DHX8: variants seen among roughly 807,000 people sequenced by gnomAD.
The protein encoded by DHX8 is ATP-dependent RNA helicase DHX8.
In DHX8, 67 loss-of-function variants were observed where a neutral mutation model predicts 140.7. That is an observed-to-expected ratio of 0.48 (90% CI 0.39 to 0.58). DHX8 has a LOEUF of 0.58. Ranked by LOEUF, DHX8 falls within the 20% of genes least tolerant of loss-of-function variation. The pLI, the probability that DHX8 is intolerant of heterozygous loss-of-function variation, is 0.00. For missense variants in DHX8, 887 were observed against 1,550.7 expected, an observed-to-expected ratio of 0.57 and a Z score of 7.19; for synonymous variants, 533 against 553.2, an observed-to-expected ratio of 0.96 and a Z score of 0.51.
chr17:43,516,648 C>T (rs181959000), intron 17 of DHX8, among the ~76,000 whole-genome samples: 1 of 152,216 alleles, frequency 6.6e-6, no homozygotes, highest in East Asian at 1.9e-4. Context: ...GAAGTTTCAA[C>T]ATATTGCCCT....
chr17:43,501,279 T>C (rs1229926156), intron 11 of DHX8, among the ~76,000 whole-genome samples: 1 of 152,006 alleles, frequency 6.6e-6, no homozygotes, highest in Non-Finnish European at 1.5e-5. Flanking sequence ...TTGGGGAGTA[T>C]GTTCCAGCCT....
chr17:43,506,816 C>T (rs181287472), intron 12 of DHX8, among the ~76,000 whole-genome samples, 187 bp from the exon 13 acceptor site: 2 of 152,124 alleles, frequency 1.3e-5, no homozygotes, highest in African/African-American at 4.8e-5. Context: ...TTTTATGTAT[C>T]TTTTAAATTC....
chr17:43,517,052 A>G, intron 17 of DHX8, 115 bp from the exon 18 acceptor site: 2 of 1,130,898 alleles, frequency 1.8e-6, no homozygotes, highest in East Asian at 5.4e-5. Context: ...AAGTGAAATC[A>G]ACCCCATTTC....
chr17:43,527,313 G>A (rs562137637), downstream of DHX8, among the ~76,000 whole-genome samples: 1 of 152,324 alleles, frequency 6.6e-6, no homozygotes, highest in South Asian at 2.1e-4. Context: ...TGGCCTGGGA[G>A]CCTTTCTCCT....
At chr17:43,505,403 G>A (rs1219893123) in intron 12 of DHX8, among the ~76,000 whole-genome samples, 2 of 150,748 alleles carry the variant, frequency 1.3e-5, no homozygotes, top group Admixed American at 1.3e-4. Flanking sequence ...GAGAGACTCT[G>A]TCTAAAAAAA....
intron 16 of DHX8, 64 bp downstream of exon 16, chr17:43,508,584 G>A: frequency 8.7e-7 from 1 of 1,147,000 alleles, no homozygotes; most frequent in Non-Finnish European, 1.3e-6. Context: ...CAGCCTGTCA[G>A]CCATAGTAGG....
intron 4 of DHX8, among the ~76,000 whole-genome samples, chr17:43,491,585 T>G (rs1410758607): frequency 2.0e-5 from 3 of 152,204 alleles, no homozygotes; most frequent in Admixed American, 1.3e-4. Context: ...ATTTTGATTT[T>G]TAAATTTCAT....
At chr17:43,538,122 C>A in intron 3 of DHX8, among the ~76,000 whole-genome samples, 1 of 131,010 alleles carries the variant, frequency 7.6e-6, no homozygotes, top group East Asian at 2.2e-4. Context: ...GCCTGGGTGA[C>A]AGAGCAAGAC....
At chr17:43,497,903 AT>A (rs1213436295) in intron 9 of DHX8, among the ~76,000 whole-genome samples, 1 of 152,170 alleles carries the variant, frequency 6.6e-6, no homozygotes, top group Non-Finnish European at 1.5e-5. Flanking sequence ...TGTCGAACTA[AT>A]TTTTTACAAA....
At position 43,521,989 on chromosome 17, in the gene DHX8, T is replaced by C. The variant is rs1970393381; in HGVS notation, c.3264-58T>C. ...AGATGGATGTGTTGGGCACTGTCAT[T>C]GTGAAAATAGACCTGTGAAAGCTGA... On this transcript the variant is annotated intron_variant, in intron 21 of 22. Transcript: ENST00000262415. 20 of 1,573,362 alleles carry C rather than the reference T, an allele frequency of 1.3e-5. No individual in the cohort carries two copies. In the South Asian group the frequency reaches 2.3e-4, roughly 18 times the overall value.
rs1335156821 is a variant in DHX8 at position 43,484,194 on chromosome 17, G to T, written c.148+9G>T. 6.2e-7 allele frequency: 1 copy of T among 1,612,098 alleles called. No homozygotes were observed. Among genetic ancestry groups the T allele is most frequent in the Non-Finnish European group, 8.5e-7 (1 of 1,179,416 alleles). ...CAACGACAAGGACCTTGGTGAGCTC[G>T]GGGAGGTCCCTGGGACCTCAGTTTG... On this transcript the variant is annotated intron_variant, in intron 1 of 22. Coordinates refer to ENST00000262415, the MANE Select transcript of DHX8 (RefSeq NM_004941.3).
rs1162037414 is a variant in DHX8 at position 43,532,744 on chromosome 17, G to A, written c.351-3668G>A. ...CCGCCCCTGGGTACCTGTGCCCATT[G>A]ACCCCACCCTGGTCCACGGCTGGCT... On this transcript the variant is annotated intron_variant, in intron 2 of 3. Transcript: ENST00000589898. The A allele has an allele frequency of 2.5e-6, 4 of 1,613,946 alleles. No homozygotes were observed. In the South Asian group the frequency reaches 4.4e-5, roughly 18 times the overall value.
At chr17:43,537,295 G>T (rs1003118280) in intron 3 of DHX8, among the ~76,000 whole-genome samples, 11 of 152,176 alleles carry the variant, frequency 7.2e-5, no homozygotes, top group Admixed American at 5.2e-4. Context: ...AACCTGGGAG[G>T]CAGAGGTTGC....
In DHX8 at chr17:43,498,906, CTGAGAGGGCACACTAAGCAAAGCA is replaced by C. The variant is rs748617254; in HGVS notation, c.1348_1371del (p.Arg450_Met457del). The stretch of plus-strand genomic sequence containing the variant: ...ATTGGTTGAGGAAGAGCCTCCATTC[CTGAGAGGGCACACTAAGCAAAGCA>C]TGGACATGAGCCCCATTAAAATTGT... On this transcript the variant is annotated inframe_deletion, in exon 10 of 23. Coordinates refer to ENST00000262415, the MANE Select transcript of DHX8 (RefSeq NM_004941.3). 27 of 1,595,226 alleles carry C rather than the reference CTGAGAGGGCACACTAAGCAAAGCA, an allele frequency of 1.7e-5. No individual in the cohort carries two copies. Among genetic ancestry groups the C allele is most frequent in the Non-Finnish European group, 2.1e-5 (25 of 1,174,016 alleles).
In DHX8 at chr17:43,493,532, G is replaced by A; in HGVS notation, c.951G>A (p.Gln317=). 1 of 1,614,086 alleles carries A rather than the reference G, an allele frequency of 6.2e-7. No homozygotes were observed. The highest frequency in any genetic ancestry group is 2.2e-5 in the East Asian group (1 of 44,896). ...ANVADVVSKG[Q]RVKVKVLSFT... is the part of the protein sequence containing the mutation. ...TAGCTGATGTCGTGAGCAAAGGCCA[G>A]AGGGTCAAAGTCAAAGTGCTGTCCT... is the stretch of plus-strand genomic sequence containing the variant. The change falls in exon 7 of 23, where the codon CAG becomes CAA. Residue 317 remains glutamine, a synonymous_variant. Coordinates refer to ENST00000262415, the MANE Select transcript of DHX8 (RefSeq NM_004941.3).
chr17:43,488,734 CCTT>C (rs1421611088), intron 1 of DHX8, among the ~76,000 whole-genome samples: 1 of 152,142 alleles, frequency 6.6e-6, no homozygotes, highest in Non-Finnish European at 1.5e-5. Context: ...TTGGGTCTGT[CCTT>C]CTGTTGTGTG....
chr17:43,485,689 C>CT (rs1968099134), intron 1 of DHX8, among the ~76,000 whole-genome samples: 1 of 151,884 alleles, frequency 6.6e-6, no homozygotes, highest in Non-Finnish European at 1.5e-5. Flanking sequence ...CTCCTAATAC[C>CT]TTGGCCTTTT....
At chr17:43,518,242 G>C (rs997069718) in intron 18 of DHX8, 2 of 152,204 alleles carry the variant, frequency 1.3e-5, no homozygotes, top group Admixed American at 6.5e-5. Context: ...TTGAACACCT[G>C]CTGTGTTTAT....
rs1970583162 is a variant in DHX8, at chr17:43,525,522, G to A, written c.*1675G>A. 3.0e-6 allele frequency: 3 copies of A among 985,304 alleles called. No homozygotes were observed. In the Admixed American group the frequency reaches 1.8e-4, roughly 61 times the overall value. 61.0% of individuals were successfully genotyped at this position (985,304 alleles called of 1,614,324 possible). A position where few individuals can be genotyped will look rare whatever the true frequency, so the allele number is the denominator to read the frequency against. On this transcript the variant is annotated 3_prime_UTR_variant, in exon 23 of 23. Transcript: ENST00000262415. ...TGTAAGCCCAGGCCAGTAATCAAGGGGCAGGGCATTGTTGTGTGTTAACCT... is the reference window on the plus strand; with the variant it reads ...TGTAAGCCCAGGCCAGTAATCAAGGAGCAGGGCATTGTTGTGTGTTAACCT...
Sources: allele counts gnomAD v4.1 joint callset (sites outside exome capture counted in the v4.1 genomes callset), GRCh38; gene constraint gnomAD v4.1.1; transcripts MANE v1.5; gene names NCBI Gene and HGNC (gene_info 2026-07-23, HGNC 2026-07-21).